PALM2AKAP2: variants seen among roughly 807,000 people sequenced by gnomAD.
The protein encoded by PALM2AKAP2 is PALM2-AKAP2 fusion protein.
In PALM2AKAP2, 37 loss-of-function variants were observed where a neutral mutation model predicts 71.5. The observed-to-expected ratio is 0.52, with a 90% confidence interval of 0.40 to 0.68. The LOEUF (loss-of-function observed/expected upper bound fraction) is 0.68, where lower values mean the gene tolerates loss of function less well. Among genes scored for constraint, PALM2AKAP2 ranks in the 30% least tolerant of loss-of-function variants. The probability of loss-of-function intolerance (pLI) is 0.00; values close to 1 mark genes in which losing one functional copy is unlikely to be tolerated. For synonymous variants in PALM2AKAP2, 468 were observed against 478.8 expected (o/e 0.98, Z 0.29); for missense variants, 1,224 against 1,191.8 (o/e 1.03, Z -0.40).
At chr9:110,051,905 C>A (rs1231780633) in intron 1 of PALM2AKAP2, among the ~76,000 whole-genome samples, 2 of 150,862 alleles carry the variant, frequency 1.3e-5, no homozygotes, top group Non-Finnish European at 3.0e-5. Flanking sequence ...CAAATTGCAC[C>A]CTTTTTTTTT....
intron 1 of PALM2AKAP2, among the ~76,000 whole-genome samples, chr9:109,758,780 G>C (rs989492718): frequency 1.6e-4 from 24 of 151,950 alleles, no homozygotes; most frequent in African/African-American, 5.8e-4. Flanking sequence ...AAAGTAAAAG[G>C]GTGGGGATCA....
At chr9:110,159,771 G>T (rs1200615553) in intron 3 of PALM2AKAP2, among the ~76,000 whole-genome samples, 1 of 152,174 alleles carries the variant, frequency 6.6e-6, no homozygotes, top group Non-Finnish European at 1.5e-5. Context: ...CTGGGGTCCT[G>T]TCCACAGGGA....
At chr9:109,788,307 A>G (rs757924854) in intron 1 of PALM2AKAP2, among the ~76,000 whole-genome samples, 3 of 152,202 alleles carry the variant, frequency 2.0e-5, no homozygotes, top group Non-Finnish European at 2.9e-5. Context: ...GTTGATCCTG[A>G]TTTATTATTA....
intron 7 of PALM2AKAP2, among the ~76,000 whole-genome samples, chr9:110,040,659 T>C (rs1164103851): frequency 6.6e-6 from 1 of 152,154 alleles, no homozygotes; most frequent in Non-Finnish European, 1.5e-5. Flanking sequence ...AATGTTACAG[T>C]CGTATTTTTT....
intron 1 of PALM2AKAP2, among the ~76,000 whole-genome samples, chr9:109,793,949 T>C (rs1355545423): frequency 1.3e-5 from 2 of 152,210 alleles, no homozygotes; most frequent in East Asian, 3.8e-4. Context: ...CTATGGCCTG[T>C]AAAGCCAAAA....
chr9:109,794,609 G>T (rs1191196398), intron 1 of PALM2AKAP2, among the ~76,000 whole-genome samples: 1 of 152,136 alleles, frequency 6.6e-6, no homozygotes, highest in Non-Finnish European at 1.5e-5. Context: ...CCAGGGCCTT[G>T]ATTTACAAAT....
intron 1 of PALM2AKAP2, among the ~76,000 whole-genome samples, chr9:109,805,132 G>A (rs1827537161): frequency 6.6e-6 from 1 of 152,134 alleles, no homozygotes; most frequent in Non-Finnish European, 1.5e-5. Context: ...AAGGGTTTTT[G>A]TTTGTTTTTT....
At chr9:109,749,310 G>A (rs908920104) in intron 1 of PALM2AKAP2, among the ~76,000 whole-genome samples, 7 of 152,162 alleles carry the variant, frequency 4.6e-5, no homozygotes, top group Admixed American at 1.3e-4. Context: ...AATTAGTCAC[G>A]CGCCCCACCA....
chr9:109,682,538 A>G (rs1827751652), intron 1 of PALM2AKAP2, among the ~76,000 whole-genome samples: 1 of 152,174 alleles, frequency 6.6e-6, no homozygotes, highest in Non-Finnish European at 1.5e-5. Context: ...TGAGGCCCAG[A>G]GAGAAAGGAC....
chr9:109,745,702 G>A (rs143226451), intron 1 of PALM2AKAP2, among the ~76,000 whole-genome samples: 5 of 152,270 alleles, frequency 3.3e-5, no homozygotes, highest in East Asian at 3.9e-4. Context: ...CAATAACGAC[G>A]TCTGGGAAGT....
intron 1 of PALM2AKAP2, among the ~76,000 whole-genome samples, chr9:109,771,592 T>C (rs79990996): frequency 0.05 from 7,587 of 152,252 alleles, 360 homozygotes; most frequent in African/African-American, 0.12. Flanking sequence ...CAGATGGAAA[T>C]TGACTACCTG....
At chr9:109,991,821 G>T (rs115773940) in intron 6 of PALM2AKAP2, among the ~76,000 whole-genome samples, 66 of 152,302 alleles carry the variant, frequency 4.3e-4, no homozygotes, top group African/African-American at 1.4e-3. Context: ...TCTCAGCTGG[G>T]ACATAATCGC....
At chr9:109,753,637 C>A (rs546154436) in intron 1 of PALM2AKAP2, among the ~76,000 whole-genome samples, 18 of 152,282 alleles carry the variant, frequency 1.2e-4, no homozygotes, top group African/African-American at 4.3e-4. Context: ...TGTTCAGATT[C>A]ATTTTGGATG....
chr9:109,841,901 G>A (rs1037223212), intron 1 of PALM2AKAP2, among the ~76,000 whole-genome samples: 1 of 120,960 alleles, frequency 8.3e-6, no homozygotes, highest in African/African-American at 3.2e-5. Flanking sequence ...GGAGAAGTTG[G>A]AAGGATAGAG....
intron 1 of PALM2AKAP2, among the ~76,000 whole-genome samples, chr9:109,841,359 C>T (rs1236464039): frequency 6.9e-6 from 1 of 145,032 alleles, no homozygotes; most frequent in African/African-American, 2.6e-5. Flanking sequence ...TACACTGGGG[C>T]CTGTTGTGGG....
At chr9:109,697,132 G>GTAC (rs1827983658) in intron 1 of PALM2AKAP2, among the ~76,000 whole-genome samples, 1 of 151,954 alleles carries the variant, frequency 6.6e-6, no homozygotes, top group South Asian at 2.1e-4. Context: ...CATCAACAGG[G>GTAC]TACTGGTTAA....
intron 3 of PALM2AKAP2, among the ~76,000 whole-genome samples, chr9:109,895,420 T>C (rs1418621866): frequency 6.6e-6 from 1 of 152,194 alleles, no homozygotes; most frequent in Non-Finnish European, 1.5e-5. Context: ...AATCTGTAAA[T>C]AGGAACGACA....
At chr9:109,911,084 G>A (rs528558439) in intron 3 of PALM2AKAP2, among the ~76,000 whole-genome samples, 4 of 152,188 alleles carry the variant, frequency 2.6e-5, no homozygotes, top group Non-Finnish European at 5.9e-5. Flanking sequence ...GTGCAGGGGT[G>A]GAGGCGCTGG....
At chr9:109,738,070 G>GA (rs995694535) in intron 1 of PALM2AKAP2, among the ~76,000 whole-genome samples, 3 of 151,664 alleles carry the variant, frequency 2.0e-5, no homozygotes, top group East Asian at 1.9e-4. Flanking sequence ...ACCAATATTG[G>GA]AAAAAAAAGA....
Sources: gnomAD v4.1 joint callset for allele counts (sites outside exome capture counted in the v4.1 genomes callset) on GRCh38, gnomAD v4.1.1 for gene constraint, MANE v1.5 for transcripts, NCBI Gene and HGNC (gene_info 2026-07-23, HGNC 2026-07-21) for gene names.